The following CCDC7 variants were observed in gnomAD, a reference collection of about 807,000 sequenced individuals.
CCDC7 encodes coiled-coil domain-containing protein 7.
CCDC7 carries 183 observed loss-of-function variants against 196.9 expected under a neutral mutation model. The observed-to-expected ratio is 0.93, with a 90% CI of 0.82 to 1.05. CCDC7 has a LOEUF of 1.05. Among genes scored for constraint, CCDC7 ranks in the 50% least tolerant of loss-of-function variants. CCDC7 has a pLI of 0.00. For synonymous variants in CCDC7, 525 were observed against 484.6 expected (o/e 1.08, Z -1.10); for missense variants, 1,540 against 1,482.2 (o/e 1.04, Z -0.64).
At chr10:32,567,626 A>C in intron 14 of CCDC7, 44 bp from the exon 16 acceptor site, 1 of 1,549,524 alleles carries the variant, frequency 6.5e-7, no homozygotes. Flanking sequence ...TTGGCAGGAA[A>C]ATATCAGAAA....
At chr10:32,594,448 G>T (rs1475780024) in intron 18 of CCDC7, among the ~76,000 whole-genome samples, 6 of 152,090 alleles carry the variant, frequency 3.9e-5, no homozygotes, top group Non-Finnish European at 7.4e-5. Flanking sequence ...GGAGATTTTG[G>T]GCTGAGACGA....
upstream of CCDC7, chr10:32,446,123 G>T (rs979976262): frequency 6.6e-6 from 1 of 152,106 alleles, no homozygotes; most frequent in African/African-American, 2.4e-5. Context: ...GGCGTCGGGC[G>T]CCTGGGACGT....
chr10:32,794,916 T>C (rs952408992), intron 29 of CCDC7, among the ~76,000 whole-genome samples: 1 of 152,176 alleles, frequency 6.6e-6, no homozygotes, highest in Non-Finnish European at 1.5e-5. Context: ...GGCAGCCTAC[T>C]CAGGCTAGAG....
At chr10:32,503,437 A>G (rs2044385396) in intron 9 of CCDC7, among the ~76,000 whole-genome samples, 2 of 152,300 alleles carry the variant, frequency 1.3e-5, no homozygotes, top group South Asian at 4.1e-4. Flanking sequence ...ATGATGCCCA[A>G]CATTTATTGA....
chr10:32,681,802 T>G (rs1181860372), intron 21 of CCDC7, among the ~76,000 whole-genome samples: 1 of 147,952 alleles, frequency 6.8e-6, no homozygotes, highest in Non-Finnish European at 1.5e-5. Context: ...TACACACATC[T>G]GCATACATAT....
At chr10:32,738,138 T>A (rs1024363003) in intron 28 of CCDC7, among the ~76,000 whole-genome samples, 1 of 152,174 alleles carries the variant, frequency 6.6e-6, no homozygotes, top group African/African-American at 2.4e-5. Context: ...CTGGCTTTAA[T>A]TACATATTTA....
At chr10:32,742,962 T>C (rs534245674) in intron 28 of CCDC7, among the ~76,000 whole-genome samples, 1 of 152,340 alleles carries the variant, frequency 6.6e-6, no homozygotes, top group Non-Finnish European at 1.5e-5. Flanking sequence ...CATTTTAAGG[T>C]TCCTCCATTT....
intron 31 of CCDC7, among the ~76,000 whole-genome samples, chr10:32,817,800 C>T (rs1300609849): frequency 6.6e-6 from 1 of 152,110 alleles, no homozygotes; most frequent in Non-Finnish European, 1.5e-5. Context: ...GAGATTTTGT[C>T]ACCACCAGGC....
downstream of CCDC7, among the ~76,000 whole-genome samples, chr10:32,879,516 C>G (rs1369543816): frequency 6.6e-6 from 1 of 152,022 alleles, no homozygotes; most frequent in Non-Finnish European, 1.5e-5. Context: ...TTCCAAACCC[C>G]AAACAATGAA....
intron 28 of CCDC7, among the ~76,000 whole-genome samples, chr10:32,746,834 A>G (rs2074837427): frequency 6.6e-6 from 1 of 152,206 alleles, no homozygotes; most frequent in Non-Finnish European, 1.5e-5. Flanking sequence ...CTTTGCCAGC[A>G]TGTGCACATG....
chr10:32,567,577 G>A, intron 14 of CCDC7, 93 bp from the exon 16 acceptor site: 1 of 1,367,250 alleles, frequency 7.3e-7, no homozygotes, highest in Non-Finnish European at 9.8e-7. Flanking sequence ...GAGAAATCAT[G>A]TAGGCGTAAA....
At chr10:32,530,149 T>C (rs958490681) in intron 11 of CCDC7, among the ~76,000 whole-genome samples, 1 of 152,338 alleles carries the variant, frequency 6.6e-6, no homozygotes, top group Admixed American at 6.5e-5. Flanking sequence ...TTTATACCAG[T>C]ACCACGCTAT....
At chr10:32,557,467 G>T (rs2054557962) in intron 13 of CCDC7, among the ~76,000 whole-genome samples, 1 of 150,732 alleles carries the variant, frequency 6.6e-6, no homozygotes. Context: ...TTTCCTTATG[G>T]GATACAATTA....
chr10:32,706,826 T>G (rs1230298055), intron 24 of CCDC7, among the ~76,000 whole-genome samples: 1 of 152,134 alleles, frequency 6.6e-6, no homozygotes, highest in Non-Finnish European at 1.5e-5. Context: ...AGGCAATAAT[T>G]AATAGCTTAG....
intron 20 of CCDC7, among the ~76,000 whole-genome samples, chr10:32,641,121 T>C (rs901059788): frequency 2.6e-5 from 4 of 152,166 alleles, no homozygotes; most frequent in African/African-American, 7.2e-5. Context: ...AATCTGACAA[T>C]TATGTGTCTT....
rs117265316 is a variant in CCDC7, at chr10:32,854,241, G to A, written c.4022-159G>A. Among the ~76,000 whole-genome samples, 1,285 of 152,190 alleles carry A rather than the reference G, an allele frequency of 8.4e-3. 7 individuals are homozygous for A. The highest frequency in any genetic ancestry group is 0.02 in the Middle Eastern group (6 of 294). ...AATACCAGGCAAGAAAAAAATCAGAGAGAAAATATTTGTGTCAGGTAAGCT... is the reference window on the plus strand; with the variant it reads ...AATACCAGGCAAGAAAAAAATCAGAAAGAAAATATTTGTGTCAGGTAAGCT... On this transcript the variant is annotated intron_variant, in intron 40 of 41. Coordinates refer to ENST00000639629, the Ensembl canonical transcript of CCDC7.
At chr10:32,652,138 G>GT (rs2068880461) in intron 20 of CCDC7, among the ~76,000 whole-genome samples, 1 of 152,032 alleles carries the variant, frequency 6.6e-6, no homozygotes, top group African/African-American at 2.4e-5. Context: ...TCCTTCTGTT[G>GT]TATTGAGCCC....
chr10:32,506,684 T>C (rs2045207751), intron 9 of CCDC7, among the ~76,000 whole-genome samples: 1 of 151,994 alleles, frequency 6.6e-6, no homozygotes, highest in Non-Finnish European at 1.5e-5. Flanking sequence ...AAACCCCATC[T>C]CCACCAAAAA....
At chr10:32,673,474 T>C (rs1051221114) in intron 21 of CCDC7, among the ~76,000 whole-genome samples, 1 of 152,128 alleles carries the variant, frequency 6.6e-6, no homozygotes, top group Non-Finnish European at 1.5e-5. Context: ...TACAAGCCTT[T>C]TGCCTTTCGA....
Sources: allele counts gnomAD v4.1 joint callset (sites outside exome capture counted in the v4.1 genomes callset), GRCh38; gene constraint gnomAD v4.1.1; transcripts MANE v1.5; gene names NCBI Gene and HGNC (gene_info 2026-07-23, HGNC 2026-07-21).